ACER3: variants seen among roughly 807,000 people sequenced by gnomAD.
ACER3 encodes alkaline ceramidase 3.
In ACER3, 16 loss-of-function variants were observed where a neutral mutation model predicts 48.9. The ratio of observed to expected loss-of-function variants is 0.33; its 90% confidence interval spans 0.22 to 0.50. The LOEUF (loss-of-function observed/expected upper bound fraction) is 0.50. Among genes scored for constraint, ACER3 ranks in the 20% least tolerant of loss-of-function variants. ACER3 has a pLI of 0.98. For missense variants in ACER3, 227 were observed against 326.0 expected (o/e 0.70, Z 2.34); for synonymous variants, 109 against 107.8 (o/e 1.01, Z -0.07).
intron 1 of ACER3, among the ~76,000 whole-genome samples, chr11:76,917,810 A>G (rs1336249933): frequency 2.6e-5 from 4 of 151,114 alleles, no homozygotes. Context: ...GCAGTAAGCC[A>G]TGATTGTGCC....
intron 7 of ACER3, among the ~76,000 whole-genome samples, chr11:77,001,076 T>C (rs1244433830): frequency 6.6e-6 from 1 of 152,176 alleles, no homozygotes; most frequent in Non-Finnish European, 1.5e-5. Context: ...AGATCTTTAA[T>C]TTATTTCATC....
chr11:76,882,082 G>A (rs1389767680), intron 1 of ACER3, among the ~76,000 whole-genome samples: 1 of 146,050 alleles, frequency 6.8e-6, no homozygotes, highest in African/African-American at 2.6e-5. Context: ...TTGGCTCACT[G>A]CAAGCTCCAC....
chr11:77,016,603 C>A, intron 8 of ACER3, 72 bp from the exon 9 acceptor site: 1 of 766,730 alleles, frequency 1.3e-6, no homozygotes, highest in Non-Finnish European at 2.1e-6. Context: ...TTTCAAAATG[C>A]TCTAAGACTA....
chr11:76,894,808 A>G (rs1303901913), intron 1 of ACER3, among the ~76,000 whole-genome samples: 2 of 152,216 alleles, frequency 1.3e-5, no homozygotes, highest in African/African-American at 4.8e-5. Context: ...ACAGTATAAC[A>G]AAAGAAGGAA....
intron 7 of ACER3, among the ~76,000 whole-genome samples, chr11:77,001,311 G>A (rs1311893149): frequency 6.6e-6 from 1 of 151,946 alleles, no homozygotes; most frequent in Non-Finnish European, 1.5e-5. Context: ...GCTGGAGTGC[G>A]ATGGCATGAT....
rs141930410 is a variant in ACER3, at chr11:76,954,623, C to T, written c.215-4356C>T. On this transcript the variant is annotated intron_variant, in intron 2 of 10. Coordinates refer to ENST00000532485, the MANE Select transcript of ACER3 (RefSeq NM_018367.7). Reference sequence around the variant, plus strand: ...TTTTTGTTTTTTGCTTTTTTTTTGACAAGATTTCACTCTGTCACCCAGGCT... The same window carrying T: ...TTTTTGTTTTTTGCTTTTTTTTTGATAAGATTTCACTCTGTCACCCAGGCT... Among the ~76,000 whole-genome samples the T allele has an allele frequency of 4.3e-3, 583 of 136,150 alleles. 6 individuals are homozygous for T. The highest frequency in any genetic ancestry group is 5.4e-3 in the Non-Finnish European group (341 of 63,736). 89.3% of individuals were successfully genotyped at this position (136,150 alleles called of 152,430 possible). A position where few individuals can be genotyped will look rare whatever the true frequency, so the allele number is the denominator to read the frequency against.
At chr11:77,019,172 T>A (rs532994269) in intron 9 of ACER3, among the ~76,000 whole-genome samples, 5 of 152,136 alleles carry the variant, frequency 3.3e-5, no homozygotes, top group Non-Finnish European at 7.4e-5. Context: ...AGAATTATGC[T>A]AAATGTGGCC....
intron 1 of ACER3, among the ~76,000 whole-genome samples, chr11:76,893,105 A>T (rs896150012): frequency 3.3e-5 from 5 of 152,204 alleles, no homozygotes; most frequent in Non-Finnish European, 7.3e-5. Context: ...GAGGTAGAAG[A>T]CCTCTGTGAG....
intron 1 of ACER3, among the ~76,000 whole-genome samples, chr11:76,865,123 C>T (rs920668930): frequency 6.8e-6 from 1 of 147,610 alleles, no homozygotes; most frequent in African/African-American, 2.5e-5. Context: ...AGGCGTGTGC[C>T]ACCATGCCCA....
At chr11:76,950,764 C>G (rs1415968054) in intron 2 of ACER3, among the ~76,000 whole-genome samples, 1 of 152,054 alleles carries the variant, frequency 6.6e-6, no homozygotes, top group East Asian at 1.9e-4. Context: ...CCATGCCAGG[C>G]CCAGAATTTA....
intron 1 of ACER3, among the ~76,000 whole-genome samples, chr11:76,905,232 A>AT (rs761888953): frequency 1.4e-4 from 21 of 152,002 alleles, no homozygotes; most frequent in East Asian, 7.7e-4. Context: ...GATTTAGAAG[A>AT]TTTTTTTTAT....
At chr11:76,872,533 A>G (rs1945267702) in intron 1 of ACER3, among the ~76,000 whole-genome samples, 1 of 152,214 alleles carries the variant, frequency 6.6e-6, no homozygotes, top group East Asian at 1.9e-4. Context: ...AAAGACCTTA[A>G]GAAGTGGTCT....
chr11:76,985,428 A>G (rs7107505), intron 4 of ACER3, among the ~76,000 whole-genome samples: 108,098 of 152,020 alleles, frequency 0.71, 38,837 homozygotes, highest in Non-Finnish European at 0.77. Flanking sequence ...ACTCTCAGGC[A>G]AGAGCCTTTC....
At chr11:76,896,859 GT>G (rs1354617138) in intron 1 of ACER3, among the ~76,000 whole-genome samples, 3 of 152,136 alleles carry the variant, frequency 2.0e-5, no homozygotes, top group Non-Finnish European at 2.9e-5. Context: ...GTAATCTGTT[GT>G]TTTGGTTGAA....
At chr11:76,983,534 C>T (rs1948629646) in intron 4 of ACER3, among the ~76,000 whole-genome samples, 10 of 152,138 alleles carry the variant, frequency 6.6e-5, no homozygotes, top group Admixed American at 5.9e-4. Flanking sequence ...AAGCTGGTCT[C>T]GAACTCCTGA....
chr11:76,990,676 T>G (rs1406376781), intron 6 of ACER3, 102 bp downstream of exon 6: 1 of 773,578 alleles, frequency 1.3e-6, no homozygotes, highest in African/African-American at 1.7e-5. Context: ...ATTTTTTTAA[T>G]GAAATGGTAG....
chr11:76,865,926 C>T (rs1249261455), intron 1 of ACER3, among the ~76,000 whole-genome samples: 1 of 151,738 alleles, frequency 6.6e-6, no homozygotes, highest in Non-Finnish European at 1.5e-5. Flanking sequence ...AAGCAATCCT[C>T]CCAGCTCAGG....
In ACER3 at chr11:76,924,516, T is replaced by A. The variant is rs77025344; in HGVS notation, c.104-2041T>A. Among the ~76,000 whole-genome samples the A allele has an allele frequency of 9.7e-3, 1,469 of 152,086 alleles. 26 individuals are homozygous for A. The highest frequency in any genetic ancestry group is 0.033 in the African/African-American group (1,387 of 41,496). On this transcript the variant is annotated intron_variant, in intron 1 of 10. Transcript: ENST00000532485. ...ACTGCCCCTGGCCAGCTATTTTTTTTTTATTATTATTAATTTGGCTTCAGA... is the reference window on the plus strand; with the variant it reads ...ACTGCCCCTGGCCAGCTATTTTTTTATTATTATTATTAATTTGGCTTCAGA...
At chr11:76,959,293 G>C in intron 3 of ACER3, 2 of 1,178,822 alleles carry the variant, frequency 1.7e-6, no homozygotes, top group South Asian at 1.6e-5. Flanking sequence ...TTAGAGAGCA[G>C]AGTCACATGG....
Sources: allele counts gnomAD v4.1 joint callset (sites outside exome capture counted in the v4.1 genomes callset), GRCh38; gene constraint gnomAD v4.1.1; transcripts MANE v1.5; gene names NCBI Gene and HGNC (gene_info 2026-07-23, HGNC 2026-07-21).